Variants in CCDC141 observed in about 807,000 individuals in gnomAD.
CCDC141 encodes the protein coiled-coil domain-containing protein 141.
Under a neutral mutation model 181.0 loss-of-function variants are expected in CCDC141, and 168 were observed. The observed-to-expected ratio is 0.93, with a 90% confidence interval of 0.82 to 1.05. The LOEUF (loss-of-function observed/expected upper bound fraction) is 1.05. Among genes scored for constraint, CCDC141 ranks in the 50% least tolerant of loss-of-function variants. CCDC141 has a pLI of 0.00. For missense variants in CCDC141, 1,902 were observed against 1,788.5 expected (o/e 1.06, Z -1.14); for synonymous variants, 666 against 642.3 (o/e 1.04, Z -0.56).
At chr2:178,999,218 A>T (rs1173374991) in intron 2 of CCDC141, among the ~76,000 whole-genome samples, 2 of 152,134 alleles carry the variant, frequency 1.3e-5, no homozygotes, top group Non-Finnish European at 2.9e-5. Flanking sequence ...ATTTACACTG[A>T]AACTCACCTG....
intron 8 of CCDC141, among the ~76,000 whole-genome samples, chr2:178,897,225 A>G (rs1680690143): frequency 6.6e-6 from 1 of 152,232 alleles, no homozygotes; most frequent in Non-Finnish European, 1.5e-5. Context: ...TCTTACCACC[A>G]GAATAGCATA....
intron 2 of CCDC141, among the ~76,000 whole-genome samples, chr2:178,979,592 G>A (rs1378314376): frequency 6.6e-6 from 1 of 152,124 alleles, no homozygotes; most frequent in South Asian, 2.1e-4. Flanking sequence ...GTGTTTGCTA[G>A]AGTATCCCTA....
intron 4 of CCDC141, among the ~76,000 whole-genome samples, chr2:178,974,305 C>T (rs1691028234): frequency 6.6e-6 from 1 of 152,076 alleles, no homozygotes; most frequent in Admixed American, 6.6e-5. Flanking sequence ...CTATCCAGAC[C>T]CTATTCTATT....
chr2:178,892,004 T>C (rs1342040247), intron 8 of CCDC141, among the ~76,000 whole-genome samples: 1 of 152,168 alleles, frequency 6.6e-6, no homozygotes, highest in African/African-American at 2.4e-5. Flanking sequence ...CTGGTCATTA[T>C]TTAAGGGAAG....
chr2:178,998,596 C>T (rs74688925), intron 2 of CCDC141, among the ~76,000 whole-genome samples: 2,565 of 152,132 alleles, frequency 0.017, 57 homozygotes, highest in African/African-American at 0.054. Flanking sequence ...TTTTGGTCAA[C>T]GCCAGTAATC....
Position 178,872,273 on chromosome 2 carries a change from AC to A in CCDC141, c.1938del (p.Tyr647ThrfsTer3), listed in dbSNP as rs752408215. On this transcript the variant is annotated frameshift_variant, in exon 13 of 24. Coordinates refer to ENST00000443758, the MANE Select transcript of CCDC141 (RefSeq NM_173648.4). LOFTEE classifies it high-confidence loss of function. Reference sequence around the variant, plus strand: ...TTTTCCATGGTGTTCTTCATGAGGTACACTTCATTTTTCACATCTAATATCT... The same window carrying A: ...TTTTCCATGGTGTTCTTCATGAGGTAACTTCATTTTTCACATCTAATATCT... ...ENEILDVKNEVYLMKNTMENQ... is the reference protein window; with the variant it reads ...ENEILDVKNEXYLMKNTMENQ... 3 of 1,613,746 alleles carry A rather than the reference AC, an allele frequency of 1.9e-6. No homozygotes were observed. The African/African-American group carries it at 4.0e-5, about 22-fold the overall frequency.
intron 20 of CCDC141, among the ~76,000 whole-genome samples, chr2:178,852,897 G>C (rs1233674371): frequency 3.3e-5 from 5 of 152,216 alleles, no homozygotes; most frequent in African/African-American, 1.2e-4. Context: ...AGAGAGGAAA[G>C]CAGAACTTGT....
intron 2 of CCDC141, among the ~76,000 whole-genome samples, chr2:179,023,040 C>T (rs2042731940): frequency 6.6e-6 from 1 of 152,172 alleles, no homozygotes; most frequent in Non-Finnish European, 1.5e-5. Context: ...TATGGGGAAT[C>T]GCACAAAGGC....
intron 2 of CCDC141, among the ~76,000 whole-genome samples, chr2:179,041,455 T>C (rs1553507633): frequency 6.6e-6 from 1 of 151,556 alleles, no homozygotes; most frequent in Non-Finnish European, 1.5e-5. Flanking sequence ...TGTCTGTTCA[T>C]GTCCTTTGCC....
At chr2:178,905,223 G>T in intron 8 of CCDC141, 106 bp downstream of exon 8, 2 of 1,063,772 alleles carry the variant, frequency 1.9e-6, no homozygotes, top group Non-Finnish European at 2.7e-6. Flanking sequence ...TCATAATGCA[G>T]CAAAACATCA....
intron 2 of CCDC141, among the ~76,000 whole-genome samples, chr2:178,979,923 TG>T (rs1320143489): frequency 2.6e-5 from 4 of 152,152 alleles, no homozygotes; most frequent in African/African-American, 9.7e-5. Flanking sequence ...GCTAACCTTA[TG>T]CTCAGATAAA....
At chr2:178,943,186 A>G (rs1260512639) in intron 6 of CCDC141, among the ~76,000 whole-genome samples, 3 of 152,192 alleles carry the variant, frequency 2.0e-5, no homozygotes, top group Non-Finnish European at 4.4e-5. Flanking sequence ...ATTTTCACTG[A>G]TAAAACTTGA....
chr2:178,979,127 TAA>T (rs781131359), intron 2 of CCDC141, among the ~76,000 whole-genome samples: 2 of 152,148 alleles, frequency 1.3e-5, no homozygotes, highest in Admixed American at 6.5e-5. Context: ...ATGTAAATAT[TAA>T]GAGTAGATTT....
chr2:179,045,514 T>TG (rs2043466806), intron 2 of CCDC141, among the ~76,000 whole-genome samples: 1 of 152,170 alleles, frequency 6.6e-6, no homozygotes, highest in South Asian at 2.1e-4. Context: ...TATAGTCCTT[T>TG]GGGTATGTAC....
At chr2:178,829,637 C>A (rs966305461), downstream of CCDC141, 1 of 152,224 alleles carries the variant, frequency 6.6e-6, no homozygotes, top group Non-Finnish European at 1.5e-5. Context: ...TTAAAAAGGA[C>A]ACTTTCATTT....
intron 2 of CCDC141, among the ~76,000 whole-genome samples, chr2:179,029,176 C>A (rs2042938539): frequency 6.6e-6 from 1 of 152,192 alleles, no homozygotes; most frequent in Admixed American, 6.5e-5. Flanking sequence ...CCCATCACTT[C>A]TTTTGAGATC....
At chr2:178,918,170 G>C (rs1688533443) in intron 7 of CCDC141, among the ~76,000 whole-genome samples, 1 of 152,024 alleles carries the variant, frequency 6.6e-6, no homozygotes, top group African/African-American at 2.4e-5. Flanking sequence ...AATATTTTGG[G>C]AGGCCAGCGC....
intron 5 of CCDC141, among the ~76,000 whole-genome samples, chr2:178,956,712 T>C (rs1337879647): frequency 1.3e-5 from 2 of 152,198 alleles, no homozygotes; most frequent in Non-Finnish European, 2.9e-5. Flanking sequence ...CAAGTGCTGT[T>C]AGGAACGGAA....
At chr2:178,870,200 C>G (rs1170922321) in intron 14 of CCDC141, among the ~76,000 whole-genome samples, 3 of 134,330 alleles carry the variant, frequency 2.2e-5, no homozygotes, top group Non-Finnish European at 4.6e-5. Context: ...CTACTGCACT[C>G]CAGCCTGGGC....
Sources: gnomAD v4.1 joint callset for allele counts (sites outside exome capture counted in the v4.1 genomes callset) on GRCh38, gnomAD v4.1.1 for gene constraint, MANE v1.5 for transcripts, NCBI Gene and HGNC (gene_info 2026-07-23, HGNC 2026-07-21) for gene names.